SELENON: variants seen among roughly 807,000 people sequenced by gnomAD.
SELENON encodes the protein selenoprotein N.
SELENON carries 44 observed loss-of-function variants against 59.5 expected under a neutral mutation model. That is an observed-to-expected ratio of 0.74 (90% CI 0.58 to 0.95). SELENON has a LOEUF of 0.95. SELENON is among the 40% of genes least tolerant of loss of function. The pLI, the probability that SELENON is intolerant of heterozygous loss-of-function variation, is 0.00. For synonymous variants in SELENON, 320 were observed against 305.6 expected (o/e 1.05, Z -0.49); for missense variants, 674 against 721.4 (o/e 0.93, Z 0.75).
chr1:25,810,498 C>G (rs1402362692), intron 7 of SELENON, among the ~76,000 whole-genome samples: 1 of 152,226 alleles, frequency 6.6e-6, no homozygotes, highest in Non-Finnish European at 1.5e-5. Flanking sequence ...AGGGATGAGA[C>G]CTGGCTGGGA....
chr1:25,802,143 A>C (rs1349142283), intron 3 of SELENON: 1 of 228,340 alleles, frequency 4.4e-6, no homozygotes, highest in African/African-American at 2.4e-5. Flanking sequence ...GGCATGTGCT[A>C]CCACGCCCAG....
At position 25,801,070 on chromosome 1, in the gene SELENON, G is replaced by A. The variant is rs768607282; in HGVS notation, c.211G>A (p.Asp71Asn). The A allele has an allele frequency of 6.2e-7, 1 of 1,614,170 alleles. No individual in the cohort carries two copies. Among genetic ancestry groups the A allele is most frequent in the East Asian group, 2.2e-5 (1 of 44,884 alleles). Residue 71 changes from aspartate (D) to asparagine (N), a missense_variant, in exon 2 of 13, where the codon GAT (aspartate) becomes AAT (asparagine). Transcript: ENST00000361547. ...ACTGGCGCTGAAGACCCTGGGGACA[G>A]ATGGCCTTTTTCTCTTTTCCTCCTT... is the stretch of plus-strand genomic sequence containing the variant.
intron 8 of SELENON, 31 bp downstream of exon 7, chr1:25,811,566 G>C (rs781580243): frequency 1.2e-6 from 2 of 1,611,292 alleles, no homozygotes; most frequent in African/African-American, 2.7e-5. Flanking sequence ...CATCCAGGTG[G>C]GCTCGGCTGC....
chr1:25,808,603 C>G lies in SELENON; in HGVS notation c.561C>G (p.Gly187=). The change falls in exon 5 of 13, where the codon GGC becomes GGG. Residue 187 remains glycine (G), a synonymous_variant. Transcript: ENST00000361547. ...AGGTCTCCCGCCTCGCCCTGTCCGG[C>G]CTCCGAAACTGGACAGCCGCCGCCT... is the stretch of plus-strand genomic sequence containing the variant. 1 of 1,613,786 alleles carries G rather than the reference C, an allele frequency of 6.2e-7. No individual in the cohort carries two copies. The highest frequency in any genetic ancestry group is 8.5e-7 in the Non-Finnish European group (1 of 1,179,932).
intron 5 of SELENON, 99 bp from the exon 5 acceptor site, chr1:25,808,927 T>A (rs1014375125): frequency 3.8e-6 from 6 of 1,597,098 alleles, no homozygotes; most frequent in Non-Finnish European, 5.1e-6. Flanking sequence ...CCCCTCCCCA[T>A]GGGGCCCCTG....
chr1:25,806,991 T>C (rs1400963597), intron 4 of SELENON, among the ~76,000 whole-genome samples: 2 of 151,918 alleles, frequency 1.3e-5, no homozygotes, highest in Non-Finnish European at 2.9e-5. Context: ...CCGGCTAATT[T>C]CTTTGTATTT....
At chr1:25,805,504 AGAG>A (rs2047899239) in intron 4 of SELENON, among the ~76,000 whole-genome samples, 1 of 151,966 alleles carries the variant, frequency 6.6e-6, no homozygotes, top group Non-Finnish European at 1.5e-5. Flanking sequence ...ATAGCTTCCT[AGAG>A]GAAGTGACAT....
chr1:25,803,185 G>C (rs1232698757), intron 3 of SELENON, among the ~76,000 whole-genome samples: 3 of 152,148 alleles, frequency 2.0e-5, no homozygotes, highest in African/African-American at 7.2e-5. Context: ...ACACTTCTGC[G>C]CATTTGCACA....
At chr1:25,809,894 G>A in intron 7 of SELENON, 74 bp downstream of exon 6, 4 of 1,574,238 alleles carry the variant, frequency 2.5e-6, no homozygotes, top group Admixed American at 3.3e-5. Context: ...AGGAGCCTAG[G>A]GGCCTCTTCT....
In SELENON at chr1:25,802,088, T is replaced by C; in HGVS notation, c.374T>C (p.Leu125Pro). The C allele has an allele frequency of 3.3e-6, 1 of 304,796 alleles. No individual in the cohort carries two copies. The highest frequency in any genetic ancestry group is 6.8e-6 in the Non-Finnish European group (1 of 146,704). 18.9% of individuals were successfully genotyped at this position (304,796 alleles called of 1,614,324 possible). ...TCACTGCAGCCTCAACTTCCCTGGC[T>C]CAATTGATCCTCCTGCCTCAGCCTC... is the stretch of plus-strand genomic sequence containing the variant. Residue 125 changes from leucine (L) to proline (P), a missense_variant, in exon 3 of 13, where the codon CTC (leucine) becomes CCC (proline). Physicochemically the swap from Leu to Pro is moderately conservative, Grantham distance 98. Transcript: ENST00000361547.
rs765368764 is a variant in SELENON at position 25,815,680 on chromosome 1, G to C, written c.1735G>C (p.Glu579Gln). Residue 579 changes from glutamate to glutamine, a missense_variant, in exon 13 of 13, where the codon GAG becomes CAG. Glu to Gln is a conservative substitution (Grantham distance 29). Coordinates refer to ENST00000361547, the MANE Select transcript of SELENON (RefSeq NM_020451.3). ...GGCCACCTACATGCAGTTCCTGAAG[G>C]AGGGACTCCGGCGTGGCCTGCCCCT... 1.2e-6 allele frequency: 2 copies of C among 1,614,168 alleles called. No individual in the cohort carries two copies. Among genetic ancestry groups the C allele is most frequent in the East Asian group, 4.5e-5 (2 of 44,892 alleles).
At chr1:25,800,532 T>G in intron 1 of SELENON, 119 bp downstream of exon 1, 1 of 251,406 alleles carries the variant, frequency 4.0e-6, no homozygotes, top group Non-Finnish European at 5.6e-6. Flanking sequence ...GGAGGGGGAC[T>G]GGACGGGAGG....
intron 10 of SELENON, 40 bp from the exon 10 acceptor site, chr1:25,813,841 A>C: frequency 1.3e-6 from 2 of 1,520,068 alleles, no homozygotes; most frequent in Non-Finnish European, 1.8e-6. Context: ...GCACCCCAGC[A>C]AGATGTGGGG....
At position 25,815,986 on chromosome 1, in the gene SELENON, C is replaced by T. The variant is rs1269566120; in HGVS notation, c.*268C>T. The stretch of plus-strand genomic sequence containing the variant: ...ATTTGGCTCTGGAAGCTGCTTGGCC[C>T]CCCCAGATCAGGGCCTGGGTGAACT... On this transcript the variant is annotated 3_prime_UTR_variant, in exon 13 of 13. Transcript: ENST00000361547. 4.0e-6 allele frequency: 2 copies of T among 495,364 alleles called. No homozygotes were observed. The highest frequency in any genetic ancestry group is 7.4e-6 in the Non-Finnish European group (2 of 270,554). 30.7% of individuals were successfully genotyped at this position (495,364 alleles called of 1,614,324 possible).
intron 7 of SELENON, 109 bp downstream of exon 6, chr1:25,809,929 C>T: frequency 5.7e-6 from 8 of 1,396,838 alleles, no homozygotes; most frequent in Non-Finnish European, 8.0e-6. Flanking sequence ...CTTTGCTCCC[C>T]AGAGCCCATC....
In SELENON at chr1:25,812,804, G is replaced by C. The variant is rs764241591; in HGVS notation, c.1387+12G>C. On this transcript the variant is annotated intron_variant, in intron 10 of 12. Transcript: ENST00000361547. The stretch of plus-strand genomic sequence containing the variant: ...CCAGTCCTGCTGAGGTGAGGGGCCC[G>C]GCTGGATCTAAGGGGAGCAGTGGGA... 1 of 1,596,952 alleles carries C rather than the reference G, an allele frequency of 6.3e-7. No homozygotes were observed.
rs201066183 is a variant in SELENON at position 25,815,583 on chromosome 1, C to T, written c.1638C>T (p.Ile546=). Residue 546 remains isoleucine, a synonymous_variant, in exon 13 of 13, where the codon ATC becomes ATT. Coordinates refer to ENST00000361547, the MANE Select transcript of SELENON (RefSeq NM_020451.3). ...TCAATGCCAACTACTTCTTGGACAT[C>T]ACCTCCGTGAAGCCCGAGGAAATCG... The T allele has an allele frequency of 2.2e-4, 360 of 1,614,208 alleles. No homozygotes were observed. Among genetic ancestry groups the T allele is most frequent in the Non-Finnish European group, 2.9e-4 (345 of 1,180,042 alleles).
Position 25,811,472 on chromosome 1 carries a change from G to A in SELENON, c.1029G>A (p.Met343Ile). 2 of 1,614,036 alleles carry A rather than the reference G, an allele frequency of 1.2e-6. No homozygotes were observed. Among genetic ancestry groups the A allele is most frequent in the Non-Finnish European group, 8.5e-7 (1 of 1,180,032 alleles). Residue 343 changes from methionine to isoleucine, a missense_variant, in exon 8 of 13, where the codon ATG becomes ATA. Met to Ile is a conservative substitution (Grantham distance 10). Coordinates refer to ENST00000361547, the MANE Select transcript of SELENON (RefSeq NM_020451.3). ...ATCCCAGGTCTCTGAATGTGGACAT[G>A]GAGTGGCTTTACGGGGCCAGTGAAA...
At position 25,816,829 on chromosome 1, in the gene SELENON, G is replaced by A. The variant is rs1379716680; in HGVS notation, c.*1111G>A. The A allele has an allele frequency of 1.3e-5, 2 of 152,684 alleles. No individual in the cohort carries two copies. Among genetic ancestry groups the A allele is most frequent in the East Asian group, 3.8e-4 (2 of 5,202 alleles). The allele number at this position is 152,684 out of a possible 1,614,324, so 9.5% of individuals were successfully genotyped here. A position where few individuals can be genotyped will look rare whatever the true frequency, so the allele number is the denominator to read the frequency against. On this transcript the variant is annotated 3_prime_UTR_variant, in exon 13 of 13. Transcript: ENST00000361547. ...GCTTCCCCGGCAGCAGCCCCATGAT[G>A]GCTGAATCCGAAATCCTCGATGGGT...
Sources: allele counts gnomAD v4.1 joint callset (sites outside exome capture counted in the v4.1 genomes callset), GRCh38; gene constraint gnomAD v4.1.1; transcripts MANE v1.5; gene names NCBI Gene and HGNC (gene_info 2026-07-23, HGNC 2026-07-21).